DNMT3A: variants seen among roughly 807,000 people sequenced by gnomAD.
The protein encoded by DNMT3A is DNA (cytosine-5)-methyltransferase 3A.
Under a neutral mutation model 117.6 loss-of-function variants are expected in DNMT3A, and 267 were observed. That is an observed-to-expected ratio of 2.27 (90% CI 2.05 to 2.51). The LOEUF (loss-of-function observed/expected upper bound fraction) is 2.51, where lower values mean the gene tolerates loss of function less well. Among genes scored for constraint, DNMT3A ranks in the 30% most tolerant of loss-of-function variants. The pLI is 0.00. For missense variants in DNMT3A, 1,029 were observed against 1,260.2 expected, an observed-to-expected ratio of 0.82 and a Z score of 2.78; for synonymous variants, 432 against 474.8, an observed-to-expected ratio of 0.91 and a Z score of 1.17.
chr2:25,320,657 C>A (rs1244923082), intron 1 of DNMT3A, among the ~76,000 whole-genome samples: 1 of 151,022 alleles, frequency 6.6e-6, no homozygotes, highest in Non-Finnish European at 1.5e-5. Context: ...GAAAAAAAAA[C>A]GAAAAGAAAC....
At chr2:25,255,845 A>G (rs1222649473) in intron 6 of DNMT3A, among the ~76,000 whole-genome samples, 1 of 152,152 alleles carries the variant, frequency 6.6e-6, no homozygotes, top group East Asian at 1.9e-4. Flanking sequence ...TTCCAGCCTC[A>G]AAGAATTGAG....
intron 2 of DNMT3A, among the ~76,000 whole-genome samples, chr2:25,308,400 C>A (rs1373479955): frequency 6.6e-6 from 1 of 152,138 alleles, no homozygotes; most frequent in Non-Finnish European, 1.5e-5. Context: ...AAACAACCCC[C>A]ATCCAAGACT....
At position 25,339,357 on chromosome 2, in the gene DNMT3A, T is replaced by C. The variant is rs927790648; in HGVS notation, c.-178+2469A>G. 6.6e-6 allele frequency among the ~76,000 whole-genome samples: 1 copy of C among 152,174 alleles called. No homozygotes were observed. Among genetic ancestry groups the C allele is most frequent in the Admixed American group, 6.5e-5 (1 of 15,280 alleles). On this transcript the variant is annotated intron_variant, in intron 1 of 22. Coordinates refer to ENST00000321117, the MANE Select transcript of DNMT3A (RefSeq NM_022552.5). This position sits in a 1 kb window ranked among gnomAD's most constrained non-coding sequence, Gnocchi z 4.9. ...AGGAAGGACTCAGAGGGCAGCCCTGTGGACCAGTCCACTCCTTGAGTCTAG... is the reference window on the plus strand; with the variant it reads ...AGGAAGGACTCAGAGGGCAGCCCTGCGGACCAGTCCACTCCTTGAGTCTAG...
At chr2:25,271,074 G>A (rs1050993218) in intron 6 of DNMT3A, among the ~76,000 whole-genome samples, 2 of 152,040 alleles carry the variant, frequency 1.3e-5, no homozygotes, top group Non-Finnish European at 2.9e-5. Context: ...GCCGGGTGCA[G>A]TGATTCATGC....
At position 25,240,557 on chromosome 2, in the gene DNMT3A, G is replaced by A. The variant is rs543728185; in HGVS notation, c.2173+83C>T. On this transcript the variant is annotated intron_variant, in intron 18 of 22. Transcript: ENST00000321117. Reference sequence around the variant, plus strand: ...GAAGACAGGGTCATCGGGAATAGCTGTCCCAGGGCAGAAATATCCAAGGAG... The same window carrying A: ...GAAGACAGGGTCATCGGGAATAGCTATCCCAGGGCAGAAATATCCAAGGAG... 3.4e-5 allele frequency: 55 copies of A among 1,597,762 alleles called. No individual in the cohort carries two copies. In the African/African-American group the frequency reaches 7.0e-4, roughly 20 times the overall value.
rs1017363516 is a variant in DNMT3A at position 25,296,615 on chromosome 2, G to A, written c.177+3524C>T. Among the ~76,000 whole-genome samples, 13 of 152,214 alleles carry A rather than the reference G, an allele frequency of 8.5e-5. No individual in the cohort carries two copies. Among genetic ancestry groups the A allele is most frequent in the South Asian group, 4.1e-4 (2 of 4,830 alleles). ...AGGCATCTTCCTCTGGTGGCTTCCC[G>A]CACATGGTCAGTGCTCAGGAAGTGG... On this transcript the variant is annotated intron_variant, in intron 3 of 22. Coordinates refer to ENST00000321117, the MANE Select transcript of DNMT3A (RefSeq NM_022552.5). This position sits in a 1 kb window ranked among gnomAD's most constrained non-coding sequence, Gnocchi z 4.2.
In DNMT3A at chr2:25,247,446, C is replaced by G. The variant is rs1674949036; in HGVS notation, c.1014+145G>C. The G allele has an allele frequency of 3.1e-6, 4 of 1,292,808 alleles. No individual in the cohort carries two copies. Among genetic ancestry groups the G allele is most frequent in the Non-Finnish European group, 4.2e-6 (4 of 945,054 alleles). 80.1% of individuals were successfully genotyped at this position (1,292,808 alleles called of 1,614,324 possible). ...AGGTGCAACCTAATTATCCCTACAGCTTCTTCCACCCACCACAGGCAGAGT... is the reference window on the plus strand; with the variant it reads ...AGGTGCAACCTAATTATCCCTACAGGTTCTTCCACCCACCACAGGCAGAGT... On this transcript the variant is annotated intron_variant, in intron 8 of 22. Coordinates refer to ENST00000321117, the MANE Select transcript of DNMT3A (RefSeq NM_022552.5). This position sits in a 1 kb window ranked among gnomAD's most constrained non-coding sequence, Gnocchi z 5.6.
intron 2 of DNMT3A, among the ~76,000 whole-genome samples, chr2:25,300,767 AT>A (rs1235045979): frequency 2.6e-4 from 19 of 72,344 alleles, no homozygotes; most frequent in Non-Finnish European, 3.6e-4. Context: ...ATATATATAT[AT>A]AAATAATACA....
At position 25,252,561 on chromosome 2, in the gene DNMT3A, C is replaced by T. The variant is rs1239593844; in HGVS notation, c.640-4309G>A. Among the ~76,000 whole-genome samples the T allele has an allele frequency of 8.6e-4, 130 of 151,622 alleles. 1 individual carries two copies. Among genetic ancestry groups the T allele is most frequent in the Admixed American group, 8.5e-3 (130 of 15,260 alleles). On this transcript the variant is annotated intron_variant, in intron 6 of 22. Coordinates refer to ENST00000321117, the MANE Select transcript of DNMT3A (RefSeq NM_022552.5). The surrounding 1 kb of genome is among the most constrained non-coding windows in gnomAD (Gnocchi z 5.5). ...GCCCAGGCCGGGCTGCAGGGAGCGC[C>T]CCGCCTTCGGGAAGACCGCCTGGCC...
intron 2 of DNMT3A, among the ~76,000 whole-genome samples, 153 bp downstream of exon 2, chr2:25,313,760 A>G (rs1420313078): frequency 6.6e-6 from 1 of 152,170 alleles, no homozygotes; most frequent in African/African-American, 2.4e-5. Flanking sequence ...CCGTTTCCTC[A>G]TCACCCAAAC....
At chr2:25,341,472 G>A (rs2035447767) in intron 1 of DNMT3A, among the ~76,000 whole-genome samples, 1 of 145,704 alleles carries the variant, frequency 6.9e-6, no homozygotes, top group African/African-American at 2.5e-5. Context: ...GCACCGCGGC[G>A]CAGGCCGGCG....
chr2:25,256,423 G>A (rs977964694), intron 6 of DNMT3A, among the ~76,000 whole-genome samples: 5 of 152,090 alleles, frequency 3.3e-5, no homozygotes, highest in Admixed American at 6.5e-5. Flanking sequence ...ACACCAGTCC[G>A]CCAGTGACCT....
chr2:25,315,025 C>A (rs1241166406), intron 1 of DNMT3A, among the ~76,000 whole-genome samples: 1 of 152,206 alleles, frequency 6.6e-6, no homozygotes, highest in African/African-American at 2.4e-5. Context: ...CTGCTCCCCA[C>A]CCCCGGAGGA....
In DNMT3A at chr2:25,298,224, A is replaced by T. The variant is rs2033210692; in HGVS notation, c.177+1915T>A. Among the ~76,000 whole-genome samples the T allele has an allele frequency of 6.6e-6, 1 of 152,344 alleles. No individual in the cohort carries two copies. Among genetic ancestry groups the T allele is most frequent in the East Asian group, 1.9e-4 (1 of 5,184 alleles). ...CTCAGGTCTCTTGGACCCCAAAGAC[A>T]GTGTTTTTCCTTCTGCCCTGGAGCG... is the stretch of plus-strand genomic sequence containing the variant. On this transcript the variant is annotated intron_variant, in intron 3 of 22. Transcript: ENST00000321117. This position sits in a 1 kb window ranked among gnomAD's most constrained non-coding sequence, Gnocchi z 4.3.
Position 25,243,931 on chromosome 2 carries a change from G to C in DNMT3A, c.1903C>G (p.Arg635Gly), listed in dbSNP as rs144689354. The C allele has an allele frequency of 2.6e-6, 4 of 1,552,102 alleles. No homozygotes were observed. Among genetic ancestry groups the C allele is most frequent in the Admixed American group, 2.0e-5 (1 of 51,006 alleles). Residue 635 changes from arginine to glycine, a missense_variant, in exon 16 of 23, where the codon CGG becomes GGG. Transcript: ENST00000321117. Reference protein sequence around the residue: ...PVPAEKRKPIRVLSLFDGIAT... With the variant: ...PVPAEKRKPIGVLSLFDGIAT... ...ATTCCATCAAAGAGAGACAGCACCCGGATGGGCTTCCTCTTCTCAGCTGGG... is the reference window on the plus strand; with the variant it reads ...ATTCCATCAAAGAGAGACAGCACCCCGATGGGCTTCCTCTTCTCAGCTGGG...
intron 6 of DNMT3A, chr2:25,251,932 G>A: frequency 2.1e-6 from 1 of 478,286 alleles, no homozygotes; most frequent in Non-Finnish European, 3.7e-6. Flanking sequence ...GCTCCCGGCC[G>A]GCTGCTCTTC....
rs1384993677 is a variant in DNMT3A, at chr2:25,296,271, A to G, written c.177+3868T>C. Among the ~76,000 whole-genome samples, 1 of 152,128 alleles carries G rather than the reference A, an allele frequency of 6.6e-6. No homozygotes were observed. The highest frequency in any genetic ancestry group is 6.5e-5 in the Admixed American group (1 of 15,268). On this transcript the variant is annotated intron_variant, in intron 3 of 22. Coordinates refer to ENST00000321117, the MANE Select transcript of DNMT3A (RefSeq NM_022552.5). The surrounding 1 kb of genome is among the most constrained non-coding windows in gnomAD (Gnocchi z 4.2). The stretch of plus-strand genomic sequence containing the variant: ...GGTCACAGTGGCTGAACTGGGCTTC[A>G]TTTTCAGGCTAGGTTCTACCGGGCT...
chr2:25,287,346 G>C (rs2032387913), intron 3 of DNMT3A, among the ~76,000 whole-genome samples: 1 of 152,072 alleles, frequency 6.6e-6, no homozygotes, highest in African/African-American at 2.4e-5. Context: ...CAGGAGGGTT[G>C]TGAATCTAGT....
Position 25,249,807 on chromosome 2 carries a change from C to G in DNMT3A, c.640-1555G>C, listed in dbSNP as rs1675292858. ...GAATCTAGGAAACACGGCCCTCTGACTTCAAGGCTTTGCACCCATTTCCAC... is the reference window on the plus strand; with the variant it reads ...GAATCTAGGAAACACGGCCCTCTGAGTTCAAGGCTTTGCACCCATTTCCAC... On this transcript the variant is annotated intron_variant, in intron 6 of 22. Transcript: ENST00000321117. 2.0e-6 allele frequency: 3 copies of G among 1,499,566 alleles called. No individual in the cohort carries two copies. The South Asian group carries it at 3.4e-5, about 17-fold the overall frequency. 92.9% of individuals were successfully genotyped at this position (1,499,566 alleles called of 1,614,324 possible).
Sources: allele counts gnomAD v4.1 joint callset (sites outside exome capture counted in the v4.1 genomes callset), GRCh38; gene constraint gnomAD v4.1.1; non-coding constraint Gnocchi (gnomAD v3.1); transcripts MANE v1.5; gene names NCBI Gene and HGNC (gene_info 2026-07-23, HGNC 2026-07-21).